The following EPM2A variants were observed in gnomAD, a reference collection of about 807,000 sequenced individuals.
EPM2A encodes the protein EPM2A glucan phosphatase, laforin.
Under a neutral mutation model 26.5 loss-of-function variants are expected in EPM2A, and 21 were observed. The ratio of observed to expected loss-of-function variants is 0.79; its 90% confidence interval spans 0.56 to 1.14. EPM2A has a LOEUF of 1.14. Ranked by LOEUF, EPM2A falls within the 50% of genes most tolerant of loss-of-function variation. The pLI is 0.00. For synonymous variants in EPM2A, 217 were observed against 177.6 expected, an observed-to-expected ratio of 1.22 and a Z score of -1.76; for missense variants, 458 against 440.8, an observed-to-expected ratio of 1.04 and a Z score of -0.35.
intron 4 of EPM2A, among the ~76,000 whole-genome samples, chr6:145,454,656 C>T (rs186206199): frequency 1.5e-3 from 229 of 152,286 alleles, no homozygotes; most frequent in African/African-American, 5.1e-3. Context: ...AAAAATTCTT[C>T]TTTGATTTTC....
chr6:145,680,025 A>G (rs1433538722), intron 2 of EPM2A: 4 of 152,174 alleles, frequency 2.6e-5, no homozygotes, highest in Non-Finnish European at 5.9e-5. Flanking sequence ...AAGTCAATAG[A>G]TAATACCTAG....
intron 4 of EPM2A, among the ~76,000 whole-genome samples, chr6:145,451,818 T>C (rs892060955): frequency 6.6e-6 from 1 of 152,224 alleles, no homozygotes; most frequent in African/African-American, 2.4e-5. Flanking sequence ...TAAATATGAA[T>C]GTATATCAGC....
intron 4 of EPM2A, among the ~76,000 whole-genome samples, chr6:145,433,563 T>C (rs1309227919): frequency 2.0e-5 from 3 of 152,186 alleles, no homozygotes; most frequent in Admixed American, 2.0e-4. Flanking sequence ...CATGTCTAGC[T>C]ATATTTAAAT....
chr6:145,461,100 T>G (rs1779324394), intron 4 of EPM2A, among the ~76,000 whole-genome samples: 1 of 152,180 alleles, frequency 6.6e-6, no homozygotes, highest in African/African-American at 2.4e-5. Flanking sequence ...TTTTGTATTC[T>G]CAACCTTTAT....
chr6:145,453,548 A>T (rs2136319), intron 4 of EPM2A, among the ~76,000 whole-genome samples: 1 of 151,830 alleles, frequency 6.6e-6, no homozygotes, highest in Non-Finnish European at 1.5e-5. Context: ...CTGTAACTTG[A>T]CCCTGGTGTT....
intron 2 of EPM2A, among the ~76,000 whole-genome samples, chr6:145,573,441 T>C (rs896983208): frequency 2.0e-5 from 3 of 152,196 alleles, no homozygotes; most frequent in African/African-American, 4.8e-5. Flanking sequence ...GCAGCTGCAA[T>C]TGGAGTCACC....
chr6:145,537,592 T>G (rs573587377), intron 2 of EPM2A, among the ~76,000 whole-genome samples: 1 of 152,032 alleles, frequency 6.6e-6, no homozygotes, highest in Non-Finnish European at 1.5e-5. Flanking sequence ...TTTTTTTTTT[T>G]TTTTTTTTTA....
chr6:145,459,033 T>A (rs1779296628), intron 4 of EPM2A, among the ~76,000 whole-genome samples: 1 of 152,074 alleles, frequency 6.6e-6, no homozygotes. Flanking sequence ...TTGTTTTGAG[T>A]CTTCCACCTA....
intron 2 of EPM2A, among the ~76,000 whole-genome samples, chr6:145,570,488 T>C (rs556546331): frequency 1.1e-4 from 16 of 152,342 alleles, no homozygotes; most frequent in Admixed American, 2.0e-4. Flanking sequence ...GAAATGAAGA[T>C]ATTTTCTTAG....
chr6:145,679,990 C>G (rs1284747020), intron 2 of EPM2A: 2 of 152,042 alleles, frequency 1.3e-5, no homozygotes, highest in Non-Finnish European at 2.9e-5. Flanking sequence ...GAAAAGAGAG[C>G]TAGATATTCA....
intron 2 of EPM2A, among the ~76,000 whole-genome samples, chr6:145,577,106 G>C (rs983421840): frequency 6.6e-6 from 1 of 151,222 alleles, no homozygotes; most frequent in East Asian, 1.9e-4. Context: ...AATAAAGATA[G>C]CAAGAAAGGA....
At chr6:145,724,982 T>G (rs1186502842) in intron 1 of EPM2A, among the ~76,000 whole-genome samples, 2 of 151,808 alleles carry the variant, frequency 1.3e-5, no homozygotes, top group Non-Finnish European at 2.9e-5. Flanking sequence ...AAAAAAAAAG[T>G]TGTTGGATTT....
chr6:145,411,428 G>A (rs1178246498), intron 4 of EPM2A, among the ~76,000 whole-genome samples: 3 of 152,162 alleles, frequency 2.0e-5, no homozygotes, highest in East Asian at 1.9e-4. Flanking sequence ...ACATTGAGCT[G>A]AGCCATAATC....
intron 2 of EPM2A, chr6:145,670,989 A>C: frequency 1.0e-6 from 1 of 984,848 alleles, no homozygotes; most frequent in Non-Finnish European, 1.2e-6. Flanking sequence ...TCTTGGTCTT[A>C]AGATTTAAAA....
At chr6:145,524,159 A>G (rs116384274) in intron 2 of EPM2A, among the ~76,000 whole-genome samples, 399 of 152,306 alleles carry the variant, frequency 2.6e-3, no homozygotes, top group African/African-American at 8.9e-3. Flanking sequence ...CACTGCATGT[A>G]TGTACTATAT....
At chr6:145,542,532 CAA>C (rs1211052574) in intron 2 of EPM2A, among the ~76,000 whole-genome samples, 1 of 152,130 alleles carries the variant, frequency 6.6e-6, no homozygotes, top group Non-Finnish European at 1.5e-5. Flanking sequence ...ACTGCTGAGG[CAA>C]AGACATTTTA....
At chr6:145,655,435 T>C (rs1435993045) in intron 2 of EPM2A, among the ~76,000 whole-genome samples, 4 of 152,070 alleles carry the variant, frequency 2.6e-5, no homozygotes, top group African/African-American at 9.7e-5. Context: ...CTGAAATAGG[T>C]TGCAAGGATA....
intron 2 of EPM2A, among the ~76,000 whole-genome samples, chr6:145,555,397 C>T (rs1431966351): frequency 1.3e-5 from 2 of 152,044 alleles, no homozygotes; most frequent in Admixed American, 6.6e-5. Context: ...GGTAATCTAA[C>T]TCTAACATGG....
In EPM2A at chr6:145,609,999, G is replaced by A. The variant is rs183208212; in HGVS notation, c.340+25246C>T. ...TGGGAGGCCGAGGCAGTTGGATCAC[G>A]AGGTCAGGAGTTCAAGACCAGCCTG... On this transcript the variant is annotated intron_variant, in intron 2 of 3. Coordinates refer to the EPM2A transcript ENST00000450221. Among the ~76,000 whole-genome samples, 1,159 of 152,138 alleles carry A rather than the reference G, an allele frequency of 7.6e-3. 17 individuals are homozygous for A. Among genetic ancestry groups the A allele is most frequent in the African/African-American group, 0.026 (1,098 of 41,488 alleles).
Sources: allele counts gnomAD v4.1 joint callset (sites outside exome capture counted in the v4.1 genomes callset), GRCh38; gene constraint gnomAD v4.1.1; transcripts MANE v1.5; gene names NCBI Gene and HGNC (gene_info 2026-07-23, HGNC 2026-07-21).